The following IGSF3 variants were observed in gnomAD, a reference collection of about 807,000 sequenced individuals.
IGSF3 encodes the protein immunoglobulin superfamily member 3.
Under a neutral mutation model 114.4 loss-of-function variants are expected in IGSF3, and 23 were observed. The ratio of observed to expected loss-of-function variants is 0.20; its 90% CI spans 0.14 to 0.28. IGSF3 has a LOEUF of 0.28. Ranked by LOEUF, IGSF3 falls within the 10% of genes least tolerant of loss-of-function variation. The probability of loss-of-function intolerance (pLI) is 1.00; values close to 1 mark genes in which losing one functional copy is unlikely to be tolerated. For missense variants in IGSF3, 1,172 were observed against 1,591.5 expected (o/e 0.74, Z 4.48); for synonymous variants, 571 against 645.2 (o/e 0.88, Z 1.74).
chr1:116,595,746 T>C lies in IGSF3; in HGVS notation c.2029+4195A>G, dbSNP rs1397386067. ...TCATAAACATTTGGAAAATGAGTGC[T>C]AACATTTCCCTTACTGCTTCTGTAT... On this transcript the variant is annotated intron_variant, in intron 7 of 10. Coordinates refer to ENST00000369486, the MANE Select transcript of IGSF3 (RefSeq NM_001007237.3). This position sits in a 1 kb window ranked among gnomAD's most constrained non-coding sequence, Gnocchi z 4.2. Among the ~76,000 whole-genome samples, 1 of 152,240 alleles carries C rather than the reference T, an allele frequency of 6.6e-6. No homozygotes were observed. The highest frequency in any genetic ancestry group is 1.5e-5 in the Non-Finnish European group (1 of 68,040).
In IGSF3 at chr1:116,617,194, C is replaced by A. The variant is rs12059986; in HGVS notation, c.44-737G>T. 12,945 of 622,334 alleles carry A rather than the reference C, an allele frequency of 0.021. 1,420 individuals are homozygous for A. The African/African-American group carries it at 0.23, about 11-fold the overall frequency. 38.6% of individuals were successfully genotyped at this position (622,334 alleles called of 1,614,324 possible). On this transcript the variant is annotated intron_variant, in intron 2 of 10. Transcript: ENST00000369486. ...ACCTGTGACAAGGACAGTCAGGCTA[C>A]CCTTGAGTTTCCCACTCAAGACTCC...
At chr1:116,611,889 T>C (rs1661036243) in intron 4 of IGSF3, among the ~76,000 whole-genome samples, 1 of 152,078 alleles carries the variant, frequency 6.6e-6, no homozygotes, top group Non-Finnish European at 1.5e-5. Context: ...TTTGAAGCCC[T>C]TAATGCCTAT....
At chr1:116,643,879 C>T (rs1412746748) in intron 2 of IGSF3, among the ~76,000 whole-genome samples, 1 of 152,192 alleles carries the variant, frequency 6.6e-6, no homozygotes, top group Admixed American at 6.5e-5. Context: ...GGCAGGAAAG[C>T]AGAGCTTCCA....
At position 116,596,437 on chromosome 1, in the gene IGSF3, A is replaced by G. The variant is rs796759155; in HGVS notation, c.2029+3504T>C. On this transcript the variant is annotated intron_variant, in intron 7 of 10. Transcript: ENST00000369486. The surrounding 1 kb of genome is among the most constrained non-coding windows in gnomAD (Gnocchi z 4.1). ...CTGGTTCGGAGCTCTGGTATCCGCAAGTCTTAGAGCCACCTTGTGGCAGAA... is the reference window on the plus strand; with the variant it reads ...CTGGTTCGGAGCTCTGGTATCCGCAGGTCTTAGAGCCACCTTGTGGCAGAA... Among the ~76,000 whole-genome samples the G allele has an allele frequency of 2.6e-5, 4 of 152,208 alleles. No homozygotes were observed. The highest frequency in any genetic ancestry group is 2.6e-4 in the Admixed American group (4 of 15,286).
At position 116,657,173 on chromosome 1, in the gene IGSF3, T is replaced by G. The variant is rs1648893115; in HGVS notation, c.43+9111A>C. ...CTCTGAAAGTCTTTTTAAAAAGGAATAGATTGTATCTGGCTGGGATAGGGT... is the reference window on the plus strand; with the variant it reads ...CTCTGAAAGTCTTTTTAAAAAGGAAGAGATTGTATCTGGCTGGGATAGGGT... On this transcript the variant is annotated intron_variant, in intron 2 of 10. Coordinates refer to ENST00000369486, the MANE Select transcript of IGSF3 (RefSeq NM_001007237.3). The surrounding 1 kb of genome is among the most constrained non-coding windows in gnomAD (Gnocchi z 4.2). Among the ~76,000 whole-genome samples, 1 of 152,192 alleles carries G rather than the reference T, an allele frequency of 6.6e-6. No individual in the cohort carries two copies. Among genetic ancestry groups the G allele is most frequent in the African/African-American group, 2.4e-5 (1 of 41,446 alleles).
In IGSF3 at chr1:116,577,406, A is replaced by AC; in HGVS notation, c.3490dup (p.Val1164GlyfsTer35). On this transcript the variant is annotated frameshift_variant, in exon 11 of 11. Transcript: ENST00000369486. LOFTEE classifies it high-confidence loss of function. The surrounding 1 kb of genome is among the most constrained non-coding windows in gnomAD (Gnocchi z 5.7). ...TGGCTCTTTGATCCACAGCAGAGGC[A>AC]CCCCATTCTTCCCATCAGAGTTCTT... 6.2e-7 allele frequency: 1 copy of AC among 1,614,134 alleles called. No homozygotes were observed. Among genetic ancestry groups the AC allele is most frequent in the Non-Finnish European group, 8.5e-7 (1 of 1,180,010 alleles).
In IGSF3 at chr1:116,647,757, T is replaced by C. The variant is rs925246689; in HGVS notation, c.43+18527A>G. 6.6e-6 allele frequency among the ~76,000 whole-genome samples: 1 copy of C among 152,242 alleles called. No homozygotes were observed. The highest frequency in any genetic ancestry group is 2.4e-5 in the African/African-American group (1 of 41,464). ...GACAGACCACTCGGGTAGCACTTTTTCTGGGATTAAGCTTAGACCTTGTAG... is the reference window on the plus strand; with the variant it reads ...GACAGACCACTCGGGTAGCACTTTTCCTGGGATTAAGCTTAGACCTTGTAG... On this transcript the variant is annotated intron_variant, in intron 2 of 10. Coordinates refer to ENST00000369486, the MANE Select transcript of IGSF3 (RefSeq NM_001007237.3). This position sits in a 1 kb window ranked among gnomAD's most constrained non-coding sequence, Gnocchi z 4.6.
chr1:116,587,088 T>C (rs557418034), intron 8 of IGSF3, among the ~76,000 whole-genome samples: 1 of 152,046 alleles, frequency 6.6e-6, no homozygotes, highest in East Asian at 1.9e-4. Context: ...TGGAGTTTGG[T>C]ATCGGGTTCC....
chr1:116,645,570 A>G (rs1571187439), intron 2 of IGSF3, among the ~76,000 whole-genome samples: 2 of 152,366 alleles, frequency 1.3e-5, no homozygotes, highest in East Asian at 3.9e-4. Context: ...AGCTCAAAGT[A>G]GTGGCCCATG....
intron 2 of IGSF3, among the ~76,000 whole-genome samples, chr1:116,641,495 C>CAAAAAAAAAAAAAAAAAAAAAA (rs57930787): frequency 4.9e-5 from 2 of 40,696 alleles, no homozygotes; most frequent in South Asian, 1.2e-3. Context: ...GACTCTGTCT[C>CAAAAAAAAAAAAAAAAAAAAAA]AAAAAAAAAA....
rs1660355345 is a variant in IGSF3, at chr1:116,596,594, G to A, written c.2029+3347C>T. On this transcript the variant is annotated intron_variant, in intron 7 of 10. Coordinates refer to ENST00000369486, the MANE Select transcript of IGSF3 (RefSeq NM_001007237.3). The surrounding 1 kb of genome is among the most constrained non-coding windows in gnomAD (Gnocchi z 4.1). ...AAAACAAATTTAAGGATTTGCTAAA[G>A]GGGATTAGGAAATCAGGGGTGGTTA... Among the ~76,000 whole-genome samples, 1 of 152,218 alleles carries A rather than the reference G, an allele frequency of 6.6e-6. No individual in the cohort carries two copies. The highest frequency in any genetic ancestry group is 1.5e-5 in the Non-Finnish European group (1 of 68,048).
In IGSF3 at chr1:116,600,995, G is replaced by C. The variant is rs1396015423; in HGVS notation, c.1625-650C>G. ...GGCAGCACTGCTAAGCCCTAATACT[G>C]ACTCCTCAATATGAGTACCTCAGAG... On this transcript the variant is annotated intron_variant, in intron 6 of 10. Coordinates refer to ENST00000369486, the MANE Select transcript of IGSF3 (RefSeq NM_001007237.3). The surrounding 1 kb of genome is among the most constrained non-coding windows in gnomAD (Gnocchi z 5.5). Among the ~76,000 whole-genome samples, 1 of 152,156 alleles carries C rather than the reference G, an allele frequency of 6.6e-6. No individual in the cohort carries two copies. The highest frequency in any genetic ancestry group is 1.5e-5 in the Non-Finnish European group (1 of 68,022).
chr1:116,660,421 C>T (rs1649061229), intron 2 of IGSF3, among the ~76,000 whole-genome samples: 1 of 151,986 alleles, frequency 6.6e-6, no homozygotes, highest in Non-Finnish European at 1.5e-5. Flanking sequence ...CTGCTTCTGC[C>T]TCCCAAAGTG....
In IGSF3 at chr1:116,616,444, T is replaced by C; in HGVS notation, c.57A>G (p.Ala19=). ...SCLAVLGVVS[A]QRQVTVQEGP... ...CTTCCTGAACGGTGACCTGCCGCTG[T>C]GCTGACACCACACCTACGAGGGAGA... is the stretch of plus-strand genomic sequence containing the variant. The change falls in exon 3 of 11, where the codon GCA becomes GCG. Residue 19 remains alanine (A), a synonymous_variant. Transcript: ENST00000369486. This position sits in a 1 kb window ranked among gnomAD's most constrained non-coding sequence, Gnocchi z 6.6. 6.3e-7 allele frequency: 1 copy of C among 1,595,680 alleles called. No homozygotes were observed. Among genetic ancestry groups the C allele is most frequent in the Non-Finnish European group, 8.6e-7 (1 of 1,167,070 alleles).
chr1:116,664,318 G>T lies in IGSF3; in HGVS notation c.43+1966C>A, dbSNP rs148750948. ...GGGTGGAGGGAAAATGACAGCACCT[G>T]CCAGGTGCCAGGGCCCGAGCTCCAC... On this transcript the variant is annotated intron_variant, in intron 2 of 10. Transcript: ENST00000369486. This position sits in a 1 kb window ranked among gnomAD's most constrained non-coding sequence, Gnocchi z 4.6. 6.5e-3 allele frequency among the ~76,000 whole-genome samples: 996 copies of T among 152,304 alleles called. 12 individuals are homozygous for T. Among genetic ancestry groups the T allele is most frequent in the African/African-American group, 0.022 (933 of 41,552 alleles).
Position 116,579,943 on chromosome 1 carries a change from A to T in IGSF3, c.2849-66T>A. Reference sequence around the variant, plus strand: ...AATTTATTTGCTCAAAATAAACTAAATGTCCATCATTAAACACATGATAGT... The same window carrying T: ...AATTTATTTGCTCAAAATAAACTAATTGTCCATCATTAAACACATGATAGT... On this transcript the variant is annotated intron_variant, in intron 9 of 10. Coordinates refer to ENST00000369486, the MANE Select transcript of IGSF3 (RefSeq NM_001007237.3). The surrounding 1 kb of genome is among the most constrained non-coding windows in gnomAD (Gnocchi z 6.4). 7.4e-7 allele frequency: 1 copy of T among 1,357,906 alleles called. No homozygotes were observed. The highest frequency in any genetic ancestry group is 1.4e-5 in the African/African-American group (1 of 69,024). 84.1% of individuals were successfully genotyped at this position (1,357,906 alleles called of 1,614,324 possible).
chr1:116,586,106 G>A (rs1659832864), intron 8 of IGSF3, among the ~76,000 whole-genome samples: 1 of 152,298 alleles, frequency 6.6e-6, no homozygotes, highest in Non-Finnish European at 1.5e-5. Flanking sequence ...TAGCACCTCA[G>A]GAATGAGACT....
At position 116,616,898 on chromosome 1, in the gene IGSF3, T is replaced by C. The variant is rs1002269485; in HGVS notation, c.44-441A>G. On this transcript the variant is annotated intron_variant, in intron 2 of 10. Transcript: ENST00000369486. This position sits in a 1 kb window ranked among gnomAD's most constrained non-coding sequence, Gnocchi z 6.6. ...TGGCTGAAATTAAATGCTTCTTCCT[T>C]GGTCTGAGCGCTGGTGGGAGGGAGT... Among the ~76,000 whole-genome samples, 3 of 152,212 alleles carry C rather than the reference T, an allele frequency of 2.0e-5. No individual in the cohort carries two copies. Among genetic ancestry groups the C allele is most frequent in the Non-Finnish European group, 4.4e-5 (3 of 68,038 alleles).
Position 116,666,290 on chromosome 1 carries a change from C to G in IGSF3, c.37G>C (p.Val13Leu). 6.2e-7 allele frequency: 1 copy of G among 1,614,040 alleles called. No homozygotes were observed. The highest frequency in any genetic ancestry group is 8.5e-7 in the Non-Finnish European group (1 of 1,179,910). ...GATAAGCAGAGCCACTTACCCAGCA[C>G]AGCCAGACAGCTCAGCACCGGGAAA... ...CFFPVLSCLAVLGVVSAQRQV... is the reference protein window; with the variant it reads ...CFFPVLSCLALLGVVSAQRQV... The change falls in exon 2 of 11, where the codon GTG (valine) becomes CTG (leucine). Residue 13 changes from valine (V) to leucine (L), a missense_variant. Physicochemically the swap from Val to Leu is conservative, Grantham distance 32 (BLOSUM62 1). This residue lies in a region of IGSF3 where 736 missense variants were observed against 1,042.0 expected (regional missense o/e 0.71). Coordinates refer to ENST00000369486, the MANE Select transcript of IGSF3 (RefSeq NM_001007237.3).
Sources: allele counts gnomAD v4.1 joint callset (sites outside exome capture counted in the v4.1 genomes callset), GRCh38; gene constraint gnomAD v4.1.1; regional missense constraint gnomAD v4.1.1; non-coding constraint Gnocchi (gnomAD v3.1); transcripts MANE v1.5; gene names NCBI Gene and HGNC (gene_info 2026-07-23, HGNC 2026-07-21).